LHFPL7: variants seen among roughly 807,000 people sequenced by gnomAD.
LHFPL7 encodes LHFPL tetraspan subfamily member 7.
the LHFPL7 span, among the ~76,000 whole-genome samples, chr22:24,937,463 G>C: frequency 2.0e-5 from 3 of 152,210 alleles, no homozygotes; most frequent in African/African-American, 7.2e-5. Flanking sequence ...AAGAAGTTCA[G>C]ATTTTACTCT....
At chr22:24,940,276 AC>A in the LHFPL7 span, among the ~76,000 whole-genome samples, 2 of 141,034 alleles carry the variant, frequency 1.4e-5, no homozygotes, top group Non-Finnish European at 3.1e-5. Context: ...GGCTGCTTCT[AC>A]CCAGTCGGGG....
chr22:24,940,636 C>CCCTTCTTTCCTTCCTTCCTTCCTT, the LHFPL7 span, among the ~76,000 whole-genome samples: 1 of 61,080 alleles, frequency 1.6e-5, no homozygotes, highest in Non-Finnish European at 3.1e-5. Context: ...CATATGCCCG[C>CCCTTCTTTCCTTCCTTCCTTCCTT]CCTTCCTTCC....
At chr22:24,941,238 G>A in the LHFPL7 span, among the ~76,000 whole-genome samples, 3 of 151,358 alleles carry the variant, frequency 2.0e-5, no homozygotes, top group African/African-American at 4.9e-5. Flanking sequence ...GTGCCATGTC[G>A]GCTCATTGCA....
At chr22:24,940,789 CTT>C in the LHFPL7 span, among the ~76,000 whole-genome samples, 1 of 141,950 alleles carries the variant, frequency 7.0e-6, no homozygotes, top group African/African-American at 2.5e-5. Flanking sequence ...CTCTCTCTCT[CTT>C]TCTTTCTTTC....
At chr22:24,946,515 C>A in the LHFPL7 span, 1 of 149,670 alleles carries the variant, frequency 6.7e-6, no homozygotes, top group African/African-American at 2.5e-5. Flanking sequence ...TTTGTGCTAT[C>A]CCAGTTTCCT....
the LHFPL7 span, chr22:24,938,367 G>T: frequency 1.9e-6 from 3 of 1,608,204 alleles, no homozygotes; most frequent in African/African-American, 4.0e-5. Flanking sequence ...GCTGAGACCT[G>T]CAAGGAAGAG....
chr22:24,938,109 T>G, the LHFPL7 span: 73 of 1,490,728 alleles, frequency 4.9e-5, no homozygotes, highest in East Asian at 1.7e-3. Flanking sequence ...TCCATAAATA[T>G]GTCTAGAGCA....
the LHFPL7 span, among the ~76,000 whole-genome samples, chr22:24,945,313 C>T: frequency 2.0e-5 from 3 of 152,120 alleles, no homozygotes; most frequent in Admixed American, 2.0e-4. Context: ...GGGTGGAGAA[C>T]AGGCAGAAGG....
the LHFPL7 span, chr22:24,935,127 G>A: frequency 4.9e-6 from 3 of 617,050 alleles, no homozygotes; most frequent in South Asian, 6.2e-5. Flanking sequence ...TTTACACAGA[G>A]CATCTCCAGT....
the LHFPL7 span, among the ~76,000 whole-genome samples, chr22:24,942,990 G>T: frequency 6.6e-6 from 1 of 151,134 alleles, no homozygotes; most frequent in Non-Finnish European, 1.5e-5. Context: ...GGGTCAAGTT[G>T]CACGGGCTTT....
At chr22:24,943,723 C>T in the LHFPL7 span, among the ~76,000 whole-genome samples, 6 of 152,224 alleles carry the variant, frequency 3.9e-5, no homozygotes, top group South Asian at 1.2e-3. Context: ...TAAAGGCCAA[C>T]GAACCCAACG....
chr22:24,942,716 C>T, the LHFPL7 span, among the ~76,000 whole-genome samples: 1 of 152,124 alleles, frequency 6.6e-6, no homozygotes, highest in Non-Finnish European at 1.5e-5. Flanking sequence ...GATTATGAAT[C>T]CCTTAGTCTG....
chr22:24,942,075 A>G, the LHFPL7 span, among the ~76,000 whole-genome samples: 2 of 151,948 alleles, frequency 1.3e-5, no homozygotes, highest in Admixed American at 1.3e-4. Context: ...CATTCACTGC[A>G]AGCTCTGCTT....
the LHFPL7 span, among the ~76,000 whole-genome samples, chr22:24,942,310 A>G: frequency 6.6e-6 from 1 of 152,272 alleles, no homozygotes; most frequent in African/African-American, 2.4e-5. Context: ...GTATTTTAAT[A>G]TAAAAGTAAG....
chr22:24,940,089 G>C, the LHFPL7 span, among the ~76,000 whole-genome samples: 1 of 150,570 alleles, frequency 6.6e-6, no homozygotes, highest in African/African-American at 2.4e-5. Flanking sequence ...CACCGCGCCC[G>C]GCTAATTTTT....
the LHFPL7 span, among the ~76,000 whole-genome samples, chr22:24,942,284 G>A: frequency 1.1e-3 from 166 of 152,330 alleles, 2 homozygotes; most frequent in South Asian, 9.9e-3. Flanking sequence ...GTGAGCCACC[G>A]CGCCCGGCCT....
the LHFPL7 span, among the ~76,000 whole-genome samples, chr22:24,936,428 GTTCA>G: frequency 6.6e-6 from 1 of 152,058 alleles, no homozygotes; most frequent in African/African-American, 2.4e-5. Flanking sequence ...TCATCCAACA[GTTCA>G]TTCATCCACT....
chr22:24,945,506 G>A, the LHFPL7 span, among the ~76,000 whole-genome samples: 1 of 152,208 alleles, frequency 6.6e-6, no homozygotes, highest in Non-Finnish European at 1.5e-5. Context: ...TGGGGTGTGA[G>A]GGAAGGTGAA....
chr22:24,935,647 A>G, the LHFPL7 span: 2 of 1,570,296 alleles, frequency 1.3e-6, no homozygotes, highest in African/African-American at 2.7e-5. Context: ...GTACCTCACT[A>G]ACTTTCCATC....
Sources: allele counts gnomAD v4.1 joint callset (sites outside exome capture counted in the v4.1 genomes callset), GRCh38; gene constraint gnomAD v4.1.1; transcripts MANE v1.5; gene names NCBI Gene and HGNC (gene_info 2026-07-23, HGNC 2026-07-21).